Variants in ZFPM2 observed in about 807,000 individuals in gnomAD.
ZFPM2 encodes the protein zinc finger protein, FOG family member 2.
Under a neutral mutation model 98.6 loss-of-function variants are expected in ZFPM2, and 20 were observed. The ratio of observed to expected loss-of-function variants is 0.20; its 90% CI spans 0.14 to 0.29. The LOEUF is 0.29. Among genes scored for constraint, ZFPM2 ranks in the 10% least tolerant of loss-of-function variants. ZFPM2 has a pLI of 1.00. For synonymous variants in ZFPM2, 518 were observed against 502.7 expected (o/e 1.03, Z -0.41); for missense variants, 1,310 against 1,388.6 (o/e 0.94, Z 0.90).
At chr8:105,584,808 G>A (rs984498946) in intron 4 of ZFPM2, among the ~76,000 whole-genome samples, 16 of 152,060 alleles carry the variant, frequency 1.1e-4, no homozygotes, top group African/African-American at 3.9e-4. Flanking sequence ...CACTGGAGTT[G>A]GGACAATCAG....
chr8:105,373,125 A>G (rs1196383837), intron 1 of ZFPM2, among the ~76,000 whole-genome samples: 1 of 152,148 alleles, frequency 6.6e-6, no homozygotes, highest in Admixed American at 6.5e-5. Flanking sequence ...CTTGTTGGCA[A>G]ATTGCCTTGG....
chr8:105,624,685 G>A (rs977822544), intron 4 of ZFPM2, among the ~76,000 whole-genome samples: 1 of 152,044 alleles, frequency 6.6e-6, no homozygotes, highest in African/African-American at 2.4e-5. Flanking sequence ...CATATCTGTA[G>A]AACTATTTGT....
chr8:105,413,284 G>C (rs1811613007), intron 1 of ZFPM2, among the ~76,000 whole-genome samples: 1 of 151,668 alleles, frequency 6.6e-6, no homozygotes, highest in South Asian at 2.1e-4. Context: ...TATGTAGCAA[G>C]TTTAAAATGA....
chr8:105,614,626 A>C (rs1464352090), intron 4 of ZFPM2, among the ~76,000 whole-genome samples: 1 of 151,912 alleles, frequency 6.6e-6, no homozygotes, highest in Non-Finnish European at 1.5e-5. Context: ...GTTTCCCATC[A>C]CTTAGATTCT....
At chr8:105,618,643 A>G (rs1264299838) in intron 4 of ZFPM2, among the ~76,000 whole-genome samples, 1 of 152,190 alleles carries the variant, frequency 6.6e-6, no homozygotes, top group Non-Finnish European at 1.5e-5. Context: ...GCTTAAGCAC[A>G]TTGCATATAT....
intron 2 of ZFPM2, among the ~76,000 whole-genome samples, chr8:105,437,580 C>A (rs1444945893): frequency 6.6e-6 from 1 of 152,184 alleles, no homozygotes; most frequent in Non-Finnish European, 1.5e-5. Context: ...AGTCGAAGTA[C>A]TTTTCAAACT....
chr8:105,624,844 G>A (rs1306778637), intron 4 of ZFPM2, among the ~76,000 whole-genome samples: 1 of 152,112 alleles, frequency 6.6e-6, no homozygotes, highest in African/African-American at 2.4e-5. Context: ...TTGGTTCATA[G>A]AGATAAAACT....
At chr8:105,729,438 A>T (rs12541049) in intron 5 of ZFPM2, among the ~76,000 whole-genome samples, 6 of 151,284 alleles carry the variant, frequency 4.0e-5, no homozygotes, top group African/African-American at 1.5e-4. Context: ...TAAGAAAAGC[A>T]TAAGAGCCTG....
At chr8:105,472,224 T>C (rs1239034103) in intron 3 of ZFPM2, among the ~76,000 whole-genome samples, 1 of 152,212 alleles carries the variant, frequency 6.6e-6, no homozygotes, top group Non-Finnish European at 1.5e-5. Context: ...ATAAGCAGAG[T>C]TATCCCTCTC....
intron 1 of ZFPM2, among the ~76,000 whole-genome samples, chr8:105,323,339 AT>A (rs35153901): frequency 2.2e-4 from 33 of 151,498 alleles, no homozygotes; most frequent in African/African-American, 7.0e-4. Flanking sequence ...CAAATAAGTT[AT>A]TTTTTTTCTG....
At chr8:105,500,331 T>TA (rs1394501928) in intron 3 of ZFPM2, among the ~76,000 whole-genome samples, 1 of 152,158 alleles carries the variant, frequency 6.6e-6, no homozygotes, top group Non-Finnish European at 1.5e-5. Flanking sequence ...ATACCTTGCT[T>TA]AAATTTGAGA....
intron 4 of ZFPM2, among the ~76,000 whole-genome samples, chr8:105,574,909 C>T (rs1187347504): frequency 6.7e-6 from 1 of 150,300 alleles, no homozygotes; most frequent in Non-Finnish European, 1.5e-5. Context: ...GGCATCAGGA[C>T]CCAAGTACAT....
intron 4 of ZFPM2, among the ~76,000 whole-genome samples, chr8:105,626,444 G>A (rs1816656868): frequency 6.6e-6 from 1 of 152,082 alleles, no homozygotes; most frequent in South Asian, 2.1e-4. Flanking sequence ...AGAACTGCTT[G>A]GATACATTAA....
chr8:105,372,718 T>G (rs1310085604), intron 1 of ZFPM2, among the ~76,000 whole-genome samples: 1 of 152,110 alleles, frequency 6.6e-6, no homozygotes, highest in East Asian at 1.9e-4. Flanking sequence ...GGCAGTGAAT[T>G]TTTCAAATTA....
chr8:105,697,866 T>C (rs1373395388), intron 5 of ZFPM2, among the ~76,000 whole-genome samples: 2 of 152,160 alleles, frequency 1.3e-5, no homozygotes, highest in African/African-American at 4.8e-5. Context: ...ATATCCCTTA[T>C]ATTCTGAGAG....
chr8:105,755,252 C>G (rs1165737900), intron 5 of ZFPM2, among the ~76,000 whole-genome samples: 2 of 152,104 alleles, frequency 1.3e-5, no homozygotes, highest in Non-Finnish European at 2.9e-5. Flanking sequence ...AATAAAACCT[C>G]TATGTCAAAA....
At chr8:105,546,982 G>A (rs1346975606) in intron 3 of ZFPM2, among the ~76,000 whole-genome samples, 6 of 151,758 alleles carry the variant, frequency 4.0e-5, no homozygotes, top group African/African-American at 1.5e-4. Context: ...CTTTTTTTGG[G>A]GAGGAGGTCA....
At chr8:105,672,571 T>C (rs1308144321) in intron 5 of ZFPM2, among the ~76,000 whole-genome samples, 1 of 152,164 alleles carries the variant, frequency 6.6e-6, no homozygotes, top group African/African-American at 2.4e-5. Context: ...CTGATATGAA[T>C]ATTTAATTAT....
chr8:105,360,297 T>A (rs191922151), intron 1 of ZFPM2, among the ~76,000 whole-genome samples: 286 of 152,304 alleles, frequency 1.9e-3, no homozygotes, highest in Non-Finnish European at 3.2e-3. Flanking sequence ...TTTCTTGAGA[T>A]CTTTAACTTT....
Sources: gnomAD v4.1 joint callset for allele counts (sites outside exome capture counted in the v4.1 genomes callset) on GRCh38, gnomAD v4.1.1 for gene constraint, MANE v1.5 for transcripts, NCBI Gene and HGNC (gene_info 2026-07-23, HGNC 2026-07-21) for gene names.